Variants in TRADD observed in about 807,000 individuals in gnomAD.
The protein encoded by TRADD is tumor necrosis factor receptor type 1-associated DEATH domain protein.
TRADD carries 14 observed loss-of-function variants against 31.5 expected under a neutral mutation model. That is an observed-to-expected ratio of 0.44 (90% confidence interval 0.29 to 0.69). The LOEUF (loss-of-function observed/expected upper bound fraction) is 0.69. Ranked by LOEUF, TRADD falls within the 30% of genes least tolerant of loss-of-function variation. TRADD has a pLI of 0.11. For missense variants in TRADD, 388 were observed against 435.7 expected (o/e 0.89, Z 0.97); for synonymous variants, 220 against 215.8 (o/e 1.02, Z -0.17).
chr16:67,156,754 T>C lies in TRADD; in HGVS notation c.-8-86A>G. 6.4e-7 allele frequency: 1 copy of C among 1,564,044 alleles called. No individual in the cohort carries two copies. ...TACCCAGCCCCACGTGGTTCAGCTG[T>C]CCCCACCACAGTAGCCTCAAGTCCC... On this transcript the variant is annotated intron_variant, in intron 1 of 4. Coordinates refer to ENST00000345057, the MANE Select transcript of TRADD (RefSeq NM_003789.4). The surrounding 1 kb of genome is among the most constrained non-coding windows in gnomAD (Gnocchi z 4.6).
In TRADD at chr16:67,155,161, G is replaced by C; in HGVS notation, c.563C>G (p.Ser188Trp). 1.3e-6 allele frequency: 2 copies of C among 1,555,096 alleles called. No homozygotes were observed. Among genetic ancestry groups the C allele is most frequent in the Non-Finnish European group, 1.7e-6 (2 of 1,153,462 alleles). Residue 188 changes from serine (S) to tryptophan (W), a missense_variant, in exon 4 of 5, where the codon TCG (serine) becomes TGG (tryptophan). Ser to Trp is a radical substitution (Grantham distance 177). Transcript: ENST00000345057. ...CGGCGGCGGCGGCGGCTTCACCTCCGACAGAGAGGGCACCGGGGGCTGCAA... is the reference window on the plus strand; with the variant it reads ...CGGCGGCGGCGGCGGCTTCACCTCCCACAGAGAGGGCACCGGGGGCTGCAA... ...APLQPPVPSLSEVKPPPPPPP... is the reference protein window; with the variant it reads ...APLQPPVPSLWEVKPPPPPPP...
Position 67,155,086 on chromosome 16 carries a change from T to G in TRADD, c.628+10A>C, listed in dbSNP as rs1337549882. ...CTCCTGGTGACCCCGCCTCTCCACC[T>G]GCGCCTCACCTACAGGCTGACCCTG... On this transcript the variant is annotated intron_variant, in intron 4 of 4. Coordinates refer to ENST00000345057, the MANE Select transcript of TRADD (RefSeq NM_003789.4). 1 of 1,326,054 alleles carries G rather than the reference T, an allele frequency of 7.5e-7. No homozygotes were observed. The highest frequency in any genetic ancestry group is 9.9e-7 in the Non-Finnish European group (1 of 1,014,004). The allele number at this position is 1,326,054 out of a possible 1,614,324, so 82.1% of individuals were successfully genotyped here. A position where few individuals can be genotyped will look rare whatever the true frequency, so the allele number is the denominator to read the frequency against.
Position 67,156,383 on chromosome 16 carries a change from C to G in TRADD, c.151+127G>C, listed in dbSNP as rs552134032. Reference sequence around the variant, plus strand: ...CCACAAGCAAAGAAGAGAGTCTGCACAGCCAGGGGTCCTCCGTCTTGCTCC... The same window carrying G: ...CCACAAGCAAAGAAGAGAGTCTGCAGAGCCAGGGGTCCTCCGTCTTGCTCC... On this transcript the variant is annotated intron_variant, in intron 2 of 4. Transcript: ENST00000345057. The surrounding 1 kb of genome is among the most constrained non-coding windows in gnomAD (Gnocchi z 4.6). 1 of 1,429,324 alleles carries G rather than the reference C, an allele frequency of 7.0e-7. No individual in the cohort carries two copies. The highest frequency in any genetic ancestry group is 9.6e-7 in the Non-Finnish European group (1 of 1,042,534). 88.5% of individuals were successfully genotyped at this position (1,429,324 alleles called of 1,614,324 possible). A position where few individuals can be genotyped will look rare whatever the true frequency, so the allele number is the denominator to read the frequency against.
chr16:67,155,659 G>A lies in TRADD; in HGVS notation c.152-5C>T. On this transcript the variant is annotated splice_polypyrimidine_tract_variant and splice_region_variant and intron_variant, in intron 2 of 4. Coordinates refer to ENST00000345057, the MANE Select transcript of TRADD (RefSeq NM_003789.4). ...CGTCCGGGCTCCCGCCGCTCTCTGCGGAGGCGGGCGGTCAGGCGCCGGGCG... is the reference window on the plus strand; with the variant it reads ...CGTCCGGGCTCCCGCCGCTCTCTGCAGAGGCGGGCGGTCAGGCGCCGGGCG... 6.4e-7 allele frequency: 1 copy of A among 1,567,638 alleles called. No homozygotes were observed. The highest frequency in any genetic ancestry group is 8.6e-7 in the Non-Finnish European group (1 of 1,164,950).
chr16:67,156,322 C>A lies in TRADD; in HGVS notation c.151+188G>T. 1 of 1,155,510 alleles carries A rather than the reference C, an allele frequency of 8.7e-7. No individual in the cohort carries two copies. The highest frequency in any genetic ancestry group is 1.4e-5 in the South Asian group (1 of 69,010). The allele number at this position is 1,155,510 out of a possible 1,614,324, so 71.6% of individuals were successfully genotyped here. A position where few individuals can be genotyped will look rare whatever the true frequency, so the allele number is the denominator to read the frequency against. On this transcript the variant is annotated intron_variant, in intron 2 of 4. Coordinates refer to ENST00000345057, the MANE Select transcript of TRADD (RefSeq NM_003789.4). This position sits in a 1 kb window ranked among gnomAD's most constrained non-coding sequence, Gnocchi z 4.6. ...AGTGCACAAATTGGTAAATCATACA[C>A]AGACTCGAGAACACACGCCTATCCT... is the stretch of plus-strand genomic sequence containing the variant.
chr16:67,156,478 C>T lies in TRADD; in HGVS notation c.151+32G>A. On this transcript the variant is annotated intron_variant, in intron 2 of 4. Coordinates refer to ENST00000345057, the MANE Select transcript of TRADD (RefSeq NM_003789.4). The surrounding 1 kb of genome is among the most constrained non-coding windows in gnomAD (Gnocchi z 4.6). ...ACCCACAAAATGCTCCAGGCCACCCCTTCCTCTCCACATGCCCGCCCATCC... is the reference window on the plus strand; with the variant it reads ...ACCCACAAAATGCTCCAGGCCACCCTTTCCTCTCCACATGCCCGCCCATCC... 1 of 1,607,018 alleles carries T rather than the reference C, an allele frequency of 6.2e-7. No homozygotes were observed. The highest frequency in any genetic ancestry group is 8.5e-7 in the Non-Finnish European group (1 of 1,179,978).
In TRADD at chr16:67,159,583, C is replaced by T. The variant is rs1209615515; in HGVS notation, c.-9+255G>A. On this transcript the variant is annotated intron_variant, in intron 1 of 4. Coordinates refer to ENST00000345057, the MANE Select transcript of TRADD (RefSeq NM_003789.4). This position sits in a 1 kb window ranked among gnomAD's most constrained non-coding sequence, Gnocchi z 6.8. The stretch of plus-strand genomic sequence containing the variant: ...CTCAAGGAAAGTATTCAGAACCAGC[C>T]CCTTCTCCCCCACCCTCTCTCCTGC... Among the ~76,000 whole-genome samples, 1 of 152,154 alleles carries T rather than the reference C, an allele frequency of 6.6e-6. No homozygotes were observed. The highest frequency in any genetic ancestry group is 2.4e-5 in the African/African-American group (1 of 41,434).
chr16:67,157,564 C>T (rs1338832314), intron 1 of TRADD, among the ~76,000 whole-genome samples: 1 of 152,166 alleles, frequency 6.6e-6, no homozygotes, highest in East Asian at 1.9e-4. Context: ...CATTCCTAAG[C>T]ATACTAGGCC....
Position 67,156,450 on chromosome 16 carries a change from C to T in TRADD, c.151+60G>A. On this transcript the variant is annotated intron_variant, in intron 2 of 4. Coordinates refer to ENST00000345057, the MANE Select transcript of TRADD (RefSeq NM_003789.4). This position sits in a 1 kb window ranked among gnomAD's most constrained non-coding sequence, Gnocchi z 4.6. ...CTTCTTAAAGGTGGCTAAACCCAGG[C>T]CCACCCACAAAATGCTCCAGGCCAC... 4 of 1,601,116 alleles carry T rather than the reference C, an allele frequency of 2.5e-6. No individual in the cohort carries two copies. Among genetic ancestry groups the T allele is most frequent in the Non-Finnish European group, 3.4e-6 (4 of 1,179,448 alleles).
In TRADD at chr16:67,155,086, T is replaced by C. The variant is rs1337549882; in HGVS notation, c.628+10A>G. 2.2e-5 allele frequency: 29 copies of C among 1,325,992 alleles called. No homozygotes were observed. Among genetic ancestry groups the C allele is most frequent in the African/African-American group, 3.3e-5 (2 of 60,872 alleles). 82.1% of individuals were successfully genotyped at this position (1,325,992 alleles called of 1,614,324 possible). A position where few individuals can be genotyped will look rare whatever the true frequency, so the allele number is the denominator to read the frequency against. On this transcript the variant is annotated intron_variant, in intron 4 of 4. Coordinates refer to ENST00000345057, the MANE Select transcript of TRADD (RefSeq NM_003789.4). ...CTCCTGGTGACCCCGCCTCTCCACCTGCGCCTCACCTACAGGCTGACCCTG... is the reference window on the plus strand; with the variant it reads ...CTCCTGGTGACCCCGCCTCTCCACCCGCGCCTCACCTACAGGCTGACCCTG...
At position 67,158,127 on chromosome 16, in the gene TRADD, C is replaced by T. The variant is rs117786292; in HGVS notation, c.-8-1459G>A. 2.5e-3 allele frequency among the ~76,000 whole-genome samples: 375 copies of T among 152,188 alleles called. 15 individuals are homozygous for T. The East Asian group carries it at 0.064, about 26-fold the overall frequency. ...CCTGCCCTGGCCTCCCAAAGTGCTGCGATTACAGGAGTAAGGCACTACTCT... is the reference window on the plus strand; with the variant it reads ...CCTGCCCTGGCCTCCCAAAGTGCTGTGATTACAGGAGTAAGGCACTACTCT... On this transcript the variant is annotated intron_variant, in intron 1 of 4. Transcript: ENST00000345057.
chr16:67,156,602 T>G lies in TRADD; in HGVS notation c.59A>C (p.Glu20Ala), dbSNP rs201153612. The G allele has an allele frequency of 2.5e-6, 4 of 1,614,152 alleles. No homozygotes were observed. In the African/African-American group the frequency reaches 5.3e-5, roughly 22 times the overall value. The change falls in exon 2 of 5, where the codon GAG (glutamate) becomes GCG (alanine). Residue 20 changes from glutamate to alanine, a missense_variant. Transcript: ENST00000345057. The surrounding 1 kb of genome is among the most constrained non-coding windows in gnomAD (Gnocchi z 4.6). ...CAGGACCACCTTGTCCAGCGAGGAC[T>G]CCACAAACAGGTATGCGCTGCCCAC... is the stretch of plus-strand genomic sequence containing the variant. ...EWVGSAYLFV[E>A]SSLDKVVLSD...
Position 67,155,191 on chromosome 16 carries a change from G to A in TRADD, c.533C>T (p.Ala178Val). ...AGAGGGCACCGGGGGCTGCAAGGGG[G>A]CCGAAGCGACCTCCCCGTCGCCACC... ...ARGGDGEVAS[A>V]PLQPPVPSLS... The change falls in exon 4 of 5, where the codon GCC (alanine) becomes GTC (valine). Residue 178 changes from alanine to valine, a missense_variant. Coordinates refer to ENST00000345057, the MANE Select transcript of TRADD (RefSeq NM_003789.4). 1 of 1,576,704 alleles carries A rather than the reference G, an allele frequency of 6.3e-7. No homozygotes were observed. The highest frequency in any genetic ancestry group is 8.6e-7 in the Non-Finnish European group (1 of 1,163,672).
At position 67,159,634 on chromosome 16, in the gene TRADD, C is replaced by T. The variant is rs1184177705; in HGVS notation, c.-9+204G>A. Among the ~76,000 whole-genome samples, 1 of 152,202 alleles carries T rather than the reference C, an allele frequency of 6.6e-6. No homozygotes were observed. Among genetic ancestry groups the T allele is most frequent in the Non-Finnish European group, 1.5e-5 (1 of 68,036 alleles). On this transcript the variant is annotated intron_variant, in intron 1 of 4. Transcript: ENST00000345057. This position sits in a 1 kb window ranked among gnomAD's most constrained non-coding sequence, Gnocchi z 6.8. Reference sequence around the variant, plus strand: ...AGGGCCCTACTGCACCTCGAAAGTGCTGGCAGGGACGAGGAGCCTGCGGGG... The same window carrying T: ...AGGGCCCTACTGCACCTCGAAAGTGTTGGCAGGGACGAGGAGCCTGCGGGG...
intron 1 of TRADD, among the ~76,000 whole-genome samples, chr16:67,158,453 C>A (rs910793335): frequency 2.6e-4 from 40 of 152,166 alleles, no homozygotes; most frequent in Admixed American, 1.8e-3. Context: ...GTGTGAGGCA[C>A]CACACCCAGC....
At chr16:67,155,691 A>G in intron 2 of TRADD, 37 bp from the exon 3 acceptor site, 1 of 1,536,766 alleles carries the variant, frequency 6.5e-7, no homozygotes, top group Non-Finnish European at 8.7e-7. Flanking sequence ...GGCGGTCCCC[A>G]AGCTCGGCCG....
Position 67,156,428 on chromosome 16 carries a change from C to T in TRADD, c.151+82G>A. 6.3e-7 allele frequency: 1 copy of T among 1,594,196 alleles called. No homozygotes were observed. Among genetic ancestry groups the T allele is most frequent in the Non-Finnish European group, 8.5e-7 (1 of 1,175,778 alleles). ...TGCTCCTCCCACCCCAAATCTTCTT[C>T]TTAAAGGTGGCTAAACCCAGGCCCA... On this transcript the variant is annotated intron_variant, in intron 2 of 4. Transcript: ENST00000345057. The surrounding 1 kb of genome is among the most constrained non-coding windows in gnomAD (Gnocchi z 4.6).
chr16:67,159,300 G>A lies in TRADD; in HGVS notation c.-9+538C>T, dbSNP rs2030814481. Among the ~76,000 whole-genome samples, 1 of 152,230 alleles carries A rather than the reference G, an allele frequency of 6.6e-6. No homozygotes were observed. The highest frequency in any genetic ancestry group is 2.4e-5 in the African/African-American group (1 of 41,468). ...CTAACAACTTCTGCGCCTGTTTCCA[G>A]GGACGAGCCACGCACGGTGCCCCCT... On this transcript the variant is annotated intron_variant, in intron 1 of 4. Transcript: ENST00000345057. The surrounding 1 kb of genome is among the most constrained non-coding windows in gnomAD (Gnocchi z 6.8).
At chr16:67,155,937 G>A (rs998186159) in intron 2 of TRADD, 1 of 1,496,704 alleles carries the variant, frequency 6.7e-7, no homozygotes, top group Admixed American at 2.0e-5. Flanking sequence ...GAGGGACTTC[G>A]AAGCACAGAA....
Sources: allele counts gnomAD v4.1 joint callset (sites outside exome capture counted in the v4.1 genomes callset), GRCh38; gene constraint gnomAD v4.1.1; non-coding constraint Gnocchi (gnomAD v3.1); transcripts MANE v1.5; gene names NCBI Gene and HGNC (gene_info 2026-07-23, HGNC 2026-07-21).